GRM7: variants seen among roughly 807,000 people sequenced by gnomAD.
GRM7 encodes glutamate metabotropic receptor 7.
GRM7 carries 35 observed loss-of-function variants against 84.5 expected under a neutral mutation model. That is an observed-to-expected ratio of 0.41 (90% CI 0.32 to 0.55). GRM7 has a LOEUF of 0.55. Ranked by LOEUF, GRM7 falls within the 20% of genes least tolerant of loss-of-function variation. The pLI is 0.19. For synonymous variants in GRM7, 487 were observed against 455.1 expected, an observed-to-expected ratio of 1.07 and a Z score of -0.89; for missense variants, 1,003 against 1,194.6, an observed-to-expected ratio of 0.84 and a Z score of 2.36.
chr3:7,358,341 C>T lies in GRM7; in HGVS notation c.1033+51689C>T, dbSNP rs538340742. Among the ~76,000 whole-genome samples, 90 of 152,160 alleles carry T rather than the reference C, an allele frequency of 5.9e-4. 1 individual carries two copies. Among genetic ancestry groups the T allele is most frequent in the African/African-American group, 2.1e-3 (87 of 41,530 alleles). ...TAATTAGGTCCAGCAAACAACAAGG[C>T]GTGGACTGAGTCCCAGGAGATCATC... On this transcript the variant is annotated intron_variant, in intron 4 of 9. Transcript: ENST00000357716.
At chr3:7,412,164 G>A (rs1038736996) in intron 4 of GRM7, among the ~76,000 whole-genome samples, 2 of 152,054 alleles carry the variant, frequency 1.3e-5, no homozygotes, top group African/African-American at 4.8e-5. Context: ...GAATCATTGG[G>A]CCATTCTTAC....
chr3:7,457,717 T>C (rs1268138889), intron 6 of GRM7, among the ~76,000 whole-genome samples: 5 of 152,188 alleles, frequency 3.3e-5, no homozygotes, highest in African/African-American at 1.2e-4. Context: ...CAAAATGTTT[T>C]TGTCTAGTTT....
chr3:7,143,059 A>G (rs1260936789), intron 1 of GRM7, among the ~76,000 whole-genome samples: 2 of 152,198 alleles, frequency 1.3e-5, no homozygotes, highest in African/African-American at 4.8e-5. Flanking sequence ...CTTTATCAAA[A>G]GATCAAGTCT....
chr3:7,304,030 G>C (rs570984440), intron 3 of GRM7, among the ~76,000 whole-genome samples: 17 of 151,908 alleles, frequency 1.1e-4, no homozygotes, highest in Middle Eastern at 3.4e-3. Context: ...TAGTAGTTAG[G>C]GTGGTAATGT....
At chr3:6,971,825 T>G (rs935553719) in intron 1 of GRM7, among the ~76,000 whole-genome samples, 1 of 152,162 alleles carries the variant, frequency 6.6e-6, no homozygotes, top group African/African-American at 2.4e-5. Flanking sequence ...ATAAAAGAAG[T>G]GGCACTTAAC....
chr3:7,303,422 T>A (rs1700078159), intron 3 of GRM7, among the ~76,000 whole-genome samples: 1 of 152,122 alleles, frequency 6.6e-6, no homozygotes, highest in African/African-American at 2.4e-5. Context: ...AATGTGTACG[T>A]GTTACAATTT....
Position 7,475,123 on chromosome 3 carries a change from C to A in GRM7, c.1515+13401C>A, listed in dbSNP as rs188774495. Among the ~76,000 whole-genome samples, 914 of 152,232 alleles carry A rather than the reference C, an allele frequency of 6.0e-3. 11 individuals are homozygous for A. The highest frequency in any genetic ancestry group is 0.019 in the African/African-American group (805 of 41,524). Reference sequence around the variant, plus strand: ...ATGACAATGAGAAAGAAGTAACAAGCTTTGAACAAGGAAGACAGAAAGGAT... The same window carrying A: ...ATGACAATGAGAAAGAAGTAACAAGATTTGAACAAGGAAGACAGAAAGGAT... On this transcript the variant is annotated intron_variant, in intron 7 of 9. Coordinates refer to ENST00000357716, the MANE Select transcript of GRM7 (RefSeq NM_000844.4).
chr3:7,362,590 A>G (rs1693713322), intron 4 of GRM7, among the ~76,000 whole-genome samples: 5 of 151,962 alleles, frequency 3.3e-5, no homozygotes, highest in Admixed American at 3.3e-4. Context: ...CTTGATAGGT[A>G]TTGGTGAGAT....
intron 8 of GRM7, among the ~76,000 whole-genome samples, chr3:7,583,258 T>A (rs565430157): frequency 4.6e-5 from 7 of 152,322 alleles, no homozygotes; most frequent in African/African-American, 1.7e-4. Context: ...CAGCGGTATT[T>A]TTGTGGGGCT....
chr3:7,244,940 T>C (rs1697702273), intron 2 of GRM7, among the ~76,000 whole-genome samples: 1 of 151,928 alleles, frequency 6.6e-6, no homozygotes, highest in Non-Finnish European at 1.5e-5. Flanking sequence ...AAGTATACAA[T>C]GAATTAAGGG....
chr3:7,368,352 C>A (rs2125114150), intron 4 of GRM7, among the ~76,000 whole-genome samples: 1 of 152,168 alleles, frequency 6.6e-6, no homozygotes, highest in South Asian at 2.1e-4. Flanking sequence ...TTTCTTTAAA[C>A]ACTATTTAAA....
At chr3:7,446,380 C>G (rs1319311421) in intron 5 of GRM7, among the ~76,000 whole-genome samples, 2 of 151,512 alleles carry the variant, frequency 1.3e-5, no homozygotes, top group African/African-American at 4.9e-5. Flanking sequence ...GATTTGTTTT[C>G]TCATAACTCC....
rs1376741671 is a variant in GRM7 at position 7,223,914 on chromosome 3, A to C, written c.737-74770A>C. ...GTTCTATCACTCACTTTTCTTGTCC[A>C]CTTAGTCTCTGTTTCTGAATATACA... On this transcript the variant is annotated intron_variant, in intron 2 of 9. Coordinates refer to ENST00000357716, the MANE Select transcript of GRM7 (RefSeq NM_000844.4). 2.6e-5 allele frequency among the ~76,000 whole-genome samples: 4 copies of C among 152,056 alleles called. No individual in the cohort carries two copies. The East Asian group carries it at 5.8e-4, about 22-fold the overall frequency.
chr3:7,378,088 A>T (rs1243169925), intron 4 of GRM7, among the ~76,000 whole-genome samples: 1 of 152,132 alleles, frequency 6.6e-6, no homozygotes, highest in Non-Finnish European at 1.5e-5. Flanking sequence ...TCTAGACAAA[A>T]TTATATGACT....
intron 8 of GRM7, among the ~76,000 whole-genome samples, chr3:7,586,948 A>G (rs962902676): frequency 6.6e-5 from 10 of 152,354 alleles, no homozygotes; most frequent in African/African-American, 2.4e-4. Context: ...AAATTAACCT[A>G]TAGTGACAGA....
intron 1 of GRM7, among the ~76,000 whole-genome samples, chr3:6,922,075 A>G (rs934891747): frequency 1.3e-5 from 2 of 152,222 alleles, no homozygotes; most frequent in African/African-American, 2.4e-5. Flanking sequence ...TTTGACGACT[A>G]AGCATGTTCC....
intron 8 of GRM7, among the ~76,000 whole-genome samples, chr3:7,657,146 A>G (rs1699239628): frequency 6.6e-6 from 1 of 152,276 alleles, no homozygotes; most frequent in South Asian, 2.1e-4. Flanking sequence ...TGACCTGAGT[A>G]TTGTTGCAGA....
At chr3:7,294,196 C>G (rs1423977675) in intron 2 of GRM7, among the ~76,000 whole-genome samples, 1 of 152,192 alleles carries the variant, frequency 6.6e-6, no homozygotes, top group Non-Finnish European at 1.5e-5. Context: ...TCCATGTTTG[C>G]AGACTGCCCC....
At chr3:7,000,475 C>T (rs9855070) in intron 1 of GRM7, among the ~76,000 whole-genome samples, 7,801 of 152,190 alleles carry the variant, frequency 0.051, 627 homozygotes, top group African/African-American at 0.18. Flanking sequence ...GCATGAGCCA[C>T]CTCGCCCGGG....
Sources: allele counts gnomAD v4.1 joint callset (sites outside exome capture counted in the v4.1 genomes callset), GRCh38; gene constraint gnomAD v4.1.1; transcripts MANE v1.5; gene names NCBI Gene and HGNC (gene_info 2026-07-23, HGNC 2026-07-21).